The following VPS13C variants were observed in gnomAD, a reference collection of about 807,000 sequenced individuals.
The protein encoded by VPS13C is vacuolar protein sorting 13 homolog C.
Under a neutral mutation model 456.8 loss-of-function variants are expected in VPS13C, and 358 were observed. The ratio of observed to expected loss-of-function variants is 0.78; its 90% CI spans 0.72 to 0.86. The LOEUF (loss-of-function observed/expected upper bound fraction) is 0.86, where lower values mean the gene tolerates loss of function less well. VPS13C is among the 40% of genes least tolerant of loss of function. The pLI is 0.00. For synonymous variants in VPS13C, 1,578 were observed against 1,486.7 expected (o/e 1.06, Z -1.41); for missense variants, 4,818 against 4,385.4 (o/e 1.10, Z -2.79).
Position 61,983,850 on chromosome 15 carries a change from C to G in VPS13C, c.1884G>C (p.Gln628His), listed in dbSNP as rs1490498919. The G allele has an allele frequency of 6.2e-7, 1 of 1,614,020 alleles. No homozygotes were observed. Among genetic ancestry groups the G allele is most frequent in the Non-Finnish European group, 8.5e-7 (1 of 1,180,004 alleles). ...DSPADQTLIV[Q>H]SQPVEVIYDA... Reference sequence around the variant, plus strand: ...CATAGATGACCTCCACAGGCTGGGACTGAACAATCAGAGTCTGGTCAGCAG... The same window carrying G: ...CATAGATGACCTCCACAGGCTGGGAGTGAACAATCAGAGTCTGGTCAGCAG... Residue 628 changes from glutamine to histidine, a missense_variant, in exon 20 of 85, where the codon CAG becomes CAC. Physicochemically the swap from Gln to His is conservative, Grantham distance 24. Around this residue, in one of 3 missense-constraint regions of VPS13C, gnomAD observed 4,552 missense variants for 4,130.6 expected, o/e 1.10. Coordinates refer to ENST00000644861, the MANE Select transcript of VPS13C (RefSeq NM_020821.3).
chr15:61,867,799 AGAT>A lies in VPS13C; in HGVS notation c.10863+857_10863+859del, dbSNP rs1486686654. The A allele has an allele frequency of 6.6e-7, 1 of 1,513,406 alleles. No homozygotes were observed. Among genetic ancestry groups the A allele is most frequent in the African/African-American group, 1.4e-5 (1 of 70,714 alleles). The allele number at this position is 1,513,406 out of a possible 1,614,324, so 93.7% of individuals were successfully genotyped here. A position where few individuals can be genotyped will look rare whatever the true frequency, so the allele number is the denominator to read the frequency against. The stretch of plus-strand genomic sequence containing the variant: ...TCAATCCCACTACTATGAAAAGTTC[AGAT>A]GGAGGTGAGAGTTTTAAAGAAAATT... On this transcript the variant is annotated intron_variant, in intron 81 of 84. Coordinates refer to ENST00000644861, the MANE Select transcript of VPS13C (RefSeq NM_020821.3). This position sits in a 1 kb window ranked among gnomAD's most constrained non-coding sequence, Gnocchi z 5.0.
chr15:61,948,398 C>G (rs2044676710), intron 42 of VPS13C, among the ~76,000 whole-genome samples: 1 of 151,918 alleles, frequency 6.6e-6, no homozygotes, highest in Non-Finnish European at 1.5e-5. Flanking sequence ...AAAATCACAT[C>G]CGGCCGGGCG....
intron 50 of VPS13C, among the ~76,000 whole-genome samples, chr15:61,930,125 TTTAATA>T (rs2044006178): frequency 6.6e-6 from 1 of 152,172 alleles, no homozygotes; most frequent in Non-Finnish European, 1.5e-5. Flanking sequence ...AAGGCAGCCT[TTTAATA>T]TTATTTATGA....
At chr15:62,055,603 G>A (rs2048764775) in intron 1 of VPS13C, among the ~76,000 whole-genome samples, 1 of 151,842 alleles carries the variant, frequency 6.6e-6, no homozygotes, top group Admixed American at 6.6e-5. Flanking sequence ...ATGAATATAT[G>A]CACACTATGA....
chr15:61,990,872 T>A, intron 18 of VPS13C, 128 bp downstream of exon 18: 1 of 647,630 alleles, frequency 1.5e-6, no homozygotes. Flanking sequence ...GACTGAAACA[T>A]TCAACCATTA....
Position 61,867,555 on chromosome 15 carries a change from A to G in VPS13C, c.10863+1104T>C. 1 of 1,011,654 alleles carries G rather than the reference A, an allele frequency of 9.9e-7. No individual in the cohort carries two copies. The highest frequency in any genetic ancestry group is 1.2e-6 in the Non-Finnish European group (1 of 848,102). 62.7% of individuals were successfully genotyped at this position (1,011,654 alleles called of 1,614,324 possible). ...ACAAACATAAACATATTAATTGGAC[A>G]TAATAATTGTCCTGTTTTTCAATTT... On this transcript the variant is annotated intron_variant, in intron 81 of 84. Coordinates refer to ENST00000644861, the MANE Select transcript of VPS13C (RefSeq NM_020821.3). The surrounding 1 kb of genome is among the most constrained non-coding windows in gnomAD (Gnocchi z 5.0).
At chr15:62,030,375 T>C (rs916577932) in intron 5 of VPS13C, among the ~76,000 whole-genome samples, 2 of 151,998 alleles carry the variant, frequency 1.3e-5, no homozygotes, top group African/African-American at 4.8e-5. Flanking sequence ...AGTGACTGGA[T>C]CATTGGGGTG....
At position 61,872,034 on chromosome 15, in the gene VPS13C, C is replaced by A; in HGVS notation, c.10579G>T (p.Gly3527Ter). The change falls in exon 79 of 85, where the codon GGA (glycine) becomes TGA (stop). Residue 3527 changes from glycine (G) to a stop codon, truncating the protein, a stop_gained and splice_region_variant. Coordinates refer to ENST00000644861, the MANE Select transcript of VPS13C (RefSeq NM_020821.3). LOFTEE classifies it high-confidence loss of function. ...LARGGKGFLR[G>*]VVGGVTGIIT... ...ATTCCAGTCACTCCACCAACAACTC[C>A]CTGAAAGAGAAATCAATCATATAGT... 2 of 1,612,338 alleles carry A rather than the reference C, an allele frequency of 1.2e-6. No individual in the cohort carries two copies. Among genetic ancestry groups the A allele is most frequent in the Non-Finnish European group, 1.7e-6 (2 of 1,179,062 alleles).
At position 61,929,581 on chromosome 15, in the gene VPS13C, G is replaced by A. The variant is rs1596344331; in HGVS notation, c.6206C>T (p.Pro2069Leu). ...TVADFFIKAVPQSPENVAKET... is the reference protein window; with the variant it reads ...TVADFFIKAVLQSPENVAKET... ...TTTTGCCACATTTTCTGGACTCTGA[G>A]GCACAGCTTTGATAAAGAAATCTGC... The change falls in exon 51 of 85, where the codon CCT becomes CTT. Residue 2069 changes from proline (P) to leucine (L), a missense_variant. Physicochemically the swap from Pro to Leu is moderately conservative, Grantham distance 98. Around this residue, in one of 3 missense-constraint regions of VPS13C, gnomAD observed 4,552 missense variants for 4,130.6 expected, o/e 1.10. Coordinates refer to ENST00000644861, the MANE Select transcript of VPS13C (RefSeq NM_020821.3). 1 of 1,613,988 alleles carries A rather than the reference G, an allele frequency of 6.2e-7. No individual in the cohort carries two copies. Among genetic ancestry groups the A allele is most frequent in the Non-Finnish European group, 8.5e-7 (1 of 1,180,000 alleles).
intron 80 of VPS13C, among the ~76,000 whole-genome samples, chr15:61,869,274 C>T (rs936127208): frequency 4.6e-5 from 7 of 151,916 alleles, no homozygotes; most frequent in South Asian, 2.1e-4. Context: ...CCCGCCACCA[C>T]GCCCAACTAA....
intron 20 of VPS13C, 52 bp downstream of exon 20, chr15:61,983,768 G>A: frequency 6.4e-7 from 1 of 1,551,726 alleles, no homozygotes; most frequent in Non-Finnish European, 8.8e-7. Flanking sequence ...AAAACAGTAT[G>A]TCAGAAGCAT....
intron 9 of VPS13C, among the ~76,000 whole-genome samples, chr15:62,015,323 T>C (rs2047193933): frequency 6.6e-6 from 1 of 152,120 alleles, no homozygotes; most frequent in South Asian, 2.1e-4. Context: ...ACTCTGATGG[T>C]AGTTTCTTTT....
Position 62,060,341 on chromosome 15 carries a change from T to A in VPS13C, c.34A>T (p.Asn12Tyr). 2 of 1,605,596 alleles carry A rather than the reference T, an allele frequency of 1.2e-6. No homozygotes were observed. Among genetic ancestry groups the A allele is most frequent in the Non-Finnish European group, 1.7e-6 (2 of 1,176,610 alleles). The part of the protein sequence containing the change: ...VLESVVADLL[N>Y]RFLGDYVENL... Reference sequence around the variant, plus strand: ...TCCACATAGTCCCCCAGGAAGCGGTTCAGCAAGTCCGCGACCACCGACTCC... The same window carrying A: ...TCCACATAGTCCCCCAGGAAGCGGTACAGCAAGTCCGCGACCACCGACTCC... Residue 12 changes from asparagine (N) to tyrosine (Y), a missense_variant, in exon 1 of 85, where the codon AAC (asparagine) becomes TAC (tyrosine). Coordinates refer to ENST00000644861, the MANE Select transcript of VPS13C (RefSeq NM_020821.3).
chr15:62,027,973 C>T (rs2047693213), intron 6 of VPS13C, among the ~76,000 whole-genome samples: 1 of 152,034 alleles, frequency 6.6e-6, no homozygotes, highest in African/African-American at 2.4e-5. Flanking sequence ...TTGCTTTTTA[C>T]GTTCCAAAAC....
At chr15:61,864,736 G>C (rs1437588158) in intron 81 of VPS13C, 1 of 985,360 alleles carries the variant, frequency 1.0e-6, no homozygotes, top group Non-Finnish European at 1.2e-6. Flanking sequence ...TCAGAGAGGA[G>C]TGCAGATTTC....
Position 61,945,703 on chromosome 15 carries a change from T to G in VPS13C, c.5148+12A>C. The stretch of plus-strand genomic sequence containing the variant: ...GCCTCAGTGAGGAATAAATATATTT[T>G]TAAAAACTTACCAAAAGAGACATGA... On this transcript the variant is annotated intron_variant, in intron 45 of 84. Transcript: ENST00000644861. The G allele has an allele frequency of 6.4e-7, 1 of 1,570,366 alleles. No homozygotes were observed. Among genetic ancestry groups the G allele is most frequent in the Non-Finnish European group, 8.6e-7 (1 of 1,163,012 alleles).
chr15:62,056,324 G>A (rs2048797220), intron 1 of VPS13C, among the ~76,000 whole-genome samples: 1 of 152,086 alleles, frequency 6.6e-6, no homozygotes, highest in African/African-American at 2.4e-5. Context: ...AATAATCCTC[G>A]CTGTACAATC....
chr15:62,059,837 G>A (rs2048933010), intron 1 of VPS13C, among the ~76,000 whole-genome samples: 2 of 152,184 alleles, frequency 1.3e-5, no homozygotes, highest in African/African-American at 4.8e-5. Flanking sequence ...AGATAACTGC[G>A]AGATGCAACT....
chr15:61,936,783 T>A, intron 47 of VPS13C, 33 bp from the exon 48 acceptor site: 1 of 1,564,206 alleles, frequency 6.4e-7, no homozygotes, highest in Non-Finnish European at 8.6e-7. Context: ...TAACTCTAAG[T>A]AATAAAAAAA....
Sources: allele counts gnomAD v4.1 joint callset (sites outside exome capture counted in the v4.1 genomes callset), GRCh38; gene constraint gnomAD v4.1.1; regional missense constraint gnomAD v4.1.1; non-coding constraint Gnocchi (gnomAD v3.1); transcripts MANE v1.5; gene names NCBI Gene and HGNC (gene_info 2026-07-23, HGNC 2026-07-21).